The following EEF2K variants were observed in gnomAD, a reference collection of about 807,000 sequenced individuals.
EEF2K encodes alternative protein EEF2K.
In EEF2K, 70 loss-of-function variants were observed where a neutral mutation model predicts 93.8. That is an observed-to-expected ratio of 0.75 (90% CI 0.62 to 0.91). The LOEUF (loss-of-function observed/expected upper bound fraction) is 0.91, where lower values mean the gene tolerates loss of function less well. EEF2K is among the 40% of genes least tolerant of loss of function. The pLI is 0.00. For missense variants in EEF2K, 935 were observed against 972.9 expected (o/e 0.96, Z 0.52); for synonymous variants, 376 against 380.8 (o/e 0.99, Z 0.15).
At chr16:22,216,619 C>T (rs191575335) in intron 1 of EEF2K, among the ~76,000 whole-genome samples, 81 of 152,216 alleles carry the variant, frequency 5.3e-4, no homozygotes, top group African/African-American at 1.8e-3. Context: ...GATGGCTGGG[C>T]ACTGTGACTC....
intron 1 of EEF2K, among the ~76,000 whole-genome samples, chr16:22,219,516 C>T (rs1196620291): frequency 6.6e-6 from 1 of 152,126 alleles, no homozygotes; most frequent in Non-Finnish European, 1.5e-5. Flanking sequence ...GTAGTCCCAG[C>T]TACTCAGGAG....
intron 1 of EEF2K, among the ~76,000 whole-genome samples, chr16:22,216,623 G>A (rs1206372492): frequency 6.6e-6 from 1 of 152,142 alleles, no homozygotes; most frequent in Non-Finnish European, 1.5e-5. Context: ...GCTGGGCACT[G>A]TGACTCATGC....
At chr16:22,216,543 A>T (rs1438039083) in intron 1 of EEF2K, among the ~76,000 whole-genome samples, 1 of 152,178 alleles carries the variant, frequency 6.6e-6, no homozygotes, top group Non-Finnish European at 1.5e-5. Context: ...TTAAACTGTG[A>T]GAAACTCAGC....
chr16:22,257,832 C>A (rs2047422585), intron 9 of EEF2K, 62 bp downstream of exon 9: 4 of 1,585,710 alleles, frequency 2.5e-6, no homozygotes, highest in Non-Finnish European at 3.4e-6. Flanking sequence ...CAAAGCAAGC[C>A]CTGCTCCCCT....
chr16:22,209,656 G>C (rs530130615), intron 1 of EEF2K, among the ~76,000 whole-genome samples: 2 of 152,340 alleles, frequency 1.3e-5, no homozygotes, highest in East Asian at 3.9e-4. Context: ...TTATTACCCT[G>C]ATGAACTGAG....
At chr16:22,265,034 C>A in intron 13 of EEF2K, 154 bp downstream of exon 13, 1 of 759,138 alleles carries the variant, frequency 1.3e-6, no homozygotes, top group Non-Finnish European at 2.1e-6. Flanking sequence ...TGGGCAAATG[C>A]TCTTTGAACC....
chr16:22,284,341 CAT>C lies in EEF2K; in HGVS notation c.*346_*347del. On this transcript the variant is annotated 3_prime_UTR_variant, in exon 18 of 18. Transcript: ENST00000263026. Reference sequence around the variant, plus strand: ...TGTCACCCAGGCTGGAGTGCAGTGACATGATCTTAGCTCACTGCAACCTCCGC... The same window carrying C: ...TGTCACCCAGGCTGGAGTGCAGTGACGATCTTAGCTCACTGCAACCTCCGC... The C allele has an allele frequency of 1.2e-5, 3 of 250,158 alleles. No homozygotes were observed. The highest frequency in any genetic ancestry group is 4.9e-5 in the South Asian group (1 of 20,484). 15.5% of individuals were successfully genotyped at this position (250,158 alleles called of 1,614,324 possible).
intron 3 of EEF2K, among the ~76,000 whole-genome samples, chr16:22,248,078 C>G (rs913105157): frequency 1.3e-5 from 2 of 150,880 alleles, no homozygotes; most frequent in African/African-American, 4.9e-5. Flanking sequence ...TATTTTTTAT[C>G]TTTTGAGACA....
intron 17 of EEF2K, among the ~76,000 whole-genome samples, chr16:22,282,591 T>C (rs1266517998): frequency 6.6e-6 from 1 of 152,332 alleles, no homozygotes; most frequent in Middle Eastern, 3.4e-3. Context: ...AAAGTAGCTT[T>C]GTTATAAAAG....
Position 22,286,654 on chromosome 16 carries a change from T to C in EEF2K, c.*2658T>C, listed in dbSNP as rs192974872. Reference sequence around the variant, plus strand: ...ACAAACGGGTGGCCCTTTTGGGCTGTAGTTTGTCAACCCTTGCTCTAACCC... The same window carrying C: ...ACAAACGGGTGGCCCTTTTGGGCTGCAGTTTGTCAACCCTTGCTCTAACCC... On this transcript the variant is annotated 3_prime_UTR_variant, in exon 18 of 18. Coordinates refer to ENST00000263026, the MANE Select transcript of EEF2K (RefSeq NM_013302.5). 1.3e-5 allele frequency: 2 copies of C among 152,352 alleles called. No homozygotes were observed. Among genetic ancestry groups the C allele is most frequent in the East Asian group, 1.9e-4 (1 of 5,188 alleles). 9.4% of individuals were successfully genotyped at this position (152,352 alleles called of 1,614,324 possible). A position where few individuals can be genotyped will look rare whatever the true frequency, so the allele number is the denominator to read the frequency against.
chr16:22,221,760 A>G (rs1245087210), intron 1 of EEF2K, among the ~76,000 whole-genome samples: 1 of 152,190 alleles, frequency 6.6e-6, no homozygotes, highest in African/African-American at 2.4e-5. Context: ...TTAAAGCAGT[A>G]TAGAAACATA....
chr16:22,262,170 T>C (rs1210849553), intron 11 of EEF2K, among the ~76,000 whole-genome samples: 1 of 152,094 alleles, frequency 6.6e-6, no homozygotes, highest in Non-Finnish European at 1.5e-5. Context: ...TTCTAAATTA[T>C]ACCAGATTCG....
intron 6 of EEF2K, 32 bp from the exon 7 acceptor site, chr16:22,256,716 C>T (rs1361278356): frequency 1.9e-6 from 3 of 1,607,238 alleles, no homozygotes; most frequent in Admixed American, 3.4e-5. Flanking sequence ...CGCCTGGGCC[C>T]TCCCGCCTGA....
At chr16:22,266,003 C>T (rs764081770) in intron 13 of EEF2K, among the ~76,000 whole-genome samples, 2 of 152,080 alleles carry the variant, frequency 1.3e-5, no homozygotes, top group Non-Finnish European at 2.9e-5. Context: ...CCTTGAGCTG[C>T]TGAAATCTGT....
intron 16 of EEF2K, among the ~76,000 whole-genome samples, chr16:22,278,422 T>G (rs1284877752): frequency 6.6e-6 from 1 of 152,040 alleles, no homozygotes; most frequent in Non-Finnish European, 1.5e-5. Flanking sequence ...AGGAGCCAGG[T>G]GCAGAAAGAG....
chr16:22,211,190 C>T lies in EEF2K; in HGVS notation c.-77+4511C>T, dbSNP rs189024749. On this transcript the variant is annotated intron_variant, in intron 1 of 17. Coordinates refer to ENST00000263026, the MANE Select transcript of EEF2K (RefSeq NM_013302.5). ...TCTCCACCTTGCTCACTTTGCTCCA[C>T]TCTGTTGAGTAGATGAATTTTACAG... Among the ~76,000 whole-genome samples the T allele has an allele frequency of 2.1e-3, 327 of 152,304 alleles. 1 individual carries two copies. The highest frequency in any genetic ancestry group is 4.0e-3 in the Non-Finnish European group (274 of 68,024).
chr16:22,273,105 C>T (rs1395196844), intron 15 of EEF2K, among the ~76,000 whole-genome samples: 1 of 152,196 alleles, frequency 6.6e-6, no homozygotes, highest in African/African-American at 2.4e-5. Context: ...AAGAAAACAG[C>T]TTTATTGAAG....
In EEF2K at chr16:22,284,870, G is replaced by A. The variant is rs1440621426; in HGVS notation, c.*874G>A. The A allele has an allele frequency of 2.6e-5, 4 of 152,466 alleles. No individual in the cohort carries two copies. Among genetic ancestry groups the A allele is most frequent in the African/African-American group, 9.7e-5 (4 of 41,432 alleles). 9.4% of individuals were successfully genotyped at this position (152,466 alleles called of 1,614,324 possible). On this transcript the variant is annotated 3_prime_UTR_variant, in exon 18 of 18. Transcript: ENST00000263026. Reference sequence around the variant, plus strand: ...CGTGGCATTTTTTCAGTGGGTGTGAGATTGCACAATACCCAGGCTCCCTTC... The same window carrying A: ...CGTGGCATTTTTTCAGTGGGTGTGAAATTGCACAATACCCAGGCTCCCTTC...
At chr16:22,244,187 T>G (rs1419713662) in intron 2 of EEF2K, among the ~76,000 whole-genome samples, 1 of 150,758 alleles carries the variant, frequency 6.6e-6, no homozygotes, top group Non-Finnish European at 1.5e-5. Context: ...CAAGATCACA[T>G]CACTGCACTC....
Sources: allele counts gnomAD v4.1 joint callset (sites outside exome capture counted in the v4.1 genomes callset), GRCh38; gene constraint gnomAD v4.1.1; transcripts MANE v1.5; gene names NCBI Gene and HGNC (gene_info 2026-07-23, HGNC 2026-07-21).